Variants in RALGAPA2 observed in about 807,000 individuals in gnomAD.
The protein encoded by RALGAPA2 is Ral GTPase activating protein catalytic subunit alpha 2.
RALGAPA2 carries 139 observed loss-of-function variants against 230.4 expected under a neutral mutation model. That is an observed-to-expected ratio of 0.60 (90% confidence interval 0.53 to 0.69). RALGAPA2 has a LOEUF of 0.69. Among genes scored for constraint, RALGAPA2 ranks in the 30% least tolerant of loss-of-function variants. RALGAPA2 has a pLI of 0.00. For missense variants in RALGAPA2, 2,163 were observed against 2,276.0 expected (o/e 0.95, Z 1.01); for synonymous variants, 847 against 837.8 (o/e 1.01, Z -0.19).
intron 37 of RALGAPA2, among the ~76,000 whole-genome samples, chr20:20,460,097 C>T (rs139816826): frequency 2.6e-3 from 398 of 152,310 alleles, no homozygotes; most frequent in Non-Finnish European, 4.8e-3. Flanking sequence ...CATGGCCACC[C>T]TGATTTACCA....
At chr20:20,604,721 C>T (rs1475056973) in intron 15 of RALGAPA2, among the ~76,000 whole-genome samples, 1 of 150,680 alleles carries the variant, frequency 6.6e-6, no homozygotes, top group Non-Finnish European at 1.5e-5. Context: ...CATCAGCTAT[C>T]GTTAGTTTTA....
At chr20:20,528,050 G>A (rs2063265984) in intron 27 of RALGAPA2, among the ~76,000 whole-genome samples, 1 of 152,060 alleles carries the variant, frequency 6.6e-6, no homozygotes, top group Non-Finnish European at 1.5e-5. Flanking sequence ...GGAGAGGAGA[G>A]CTAAGCTGTG....
At chr20:20,627,241 A>G (rs188263457) in intron 10 of RALGAPA2, among the ~76,000 whole-genome samples, 2 of 152,334 alleles carry the variant, frequency 1.3e-5, no homozygotes, top group Admixed American at 1.3e-4. Flanking sequence ...TTGTCCAGTG[A>G]CTGTCATAGG....
chr20:20,430,753 T>C (rs2060483928), intron 37 of RALGAPA2, among the ~76,000 whole-genome samples: 2 of 152,210 alleles, frequency 1.3e-5, no homozygotes, highest in South Asian at 4.1e-4. Context: ...TCTCACTGTT[T>C]TCATGAAACA....
chr20:20,601,642 A>G (rs530073551), intron 16 of RALGAPA2, 40 bp downstream of exon 16: 19 of 1,585,676 alleles, frequency 1.2e-5, no homozygotes, highest in Non-Finnish European at 1.6e-5. Flanking sequence ...TATTTTAGAT[A>G]ACAATTAGAT....
At chr20:20,505,062 ACTT>A (rs1188773743) in intron 34 of RALGAPA2, 16 of 985,228 alleles carry the variant, frequency 1.6e-5, no homozygotes, top group Admixed American at 6.1e-5. Context: ...CAAGTCATTG[ACTT>A]CTTCTTCAAT....
chr20:20,404,974 C>G (rs2059916377), intron 38 of RALGAPA2, among the ~76,000 whole-genome samples: 1 of 152,212 alleles, frequency 6.6e-6, no homozygotes, highest in African/African-American at 2.4e-5. Context: ...ACTGTCCCCG[C>G]AGTGGCTCTG....
intron 20 of RALGAPA2, among the ~76,000 whole-genome samples, chr20:20,580,534 CT>C (rs1193366065): frequency 6.6e-6 from 1 of 152,154 alleles, no homozygotes; most frequent in African/African-American, 2.4e-5. Flanking sequence ...ACTGCATACC[CT>C]GCCTTGCCTT....
At chr20:20,628,767 G>A (rs1448262406) in intron 10 of RALGAPA2, among the ~76,000 whole-genome samples, 3 of 152,048 alleles carry the variant, frequency 2.0e-5, no homozygotes, top group Non-Finnish European at 2.9e-5. Flanking sequence ...TGTCACTCAC[G>A]GCCACTAACC....
Position 20,392,953 on chromosome 20 carries a change from G to T in RALGAPA2, c.*336C>A. The T allele has an allele frequency of 1.4e-6, 1 of 737,860 alleles. No homozygotes were observed. Among genetic ancestry groups the T allele is most frequent in the Non-Finnish European group, 1.9e-6 (1 of 517,584 alleles). 45.7% of individuals were successfully genotyped at this position (737,860 alleles called of 1,614,324 possible). ...CAGCCACACCAGTGCCCACGTGTCA[G>T]TGGGTTCATCTCTGGTTTTTGGTGA... On this transcript the variant is annotated 3_prime_UTR_variant, in exon 40 of 40. Coordinates refer to ENST00000202677, the MANE Select transcript of RALGAPA2 (RefSeq NM_020343.4).
In RALGAPA2 at chr20:20,524,500, G is replaced by A; in HGVS notation, c.3806C>T (p.Ala1269Val). ...LLLCLLDWCMALPVSVLLHPV... is the reference protein window; with the variant it reads ...LLLCLLDWCMVLPVSVLLHPV... The stretch of plus-strand genomic sequence containing the variant: ...GTGGAGAAGGACACTCACGGGCAAT[G>A]CCATGCACCAGTCCAAGAGGCAGAG... The change falls in exon 30 of 40, where the codon GCA (alanine) becomes GTA (valine). Residue 1269 changes from alanine (A) to valine (V), a missense_variant. Ala to Val is a moderately conservative substitution (Grantham distance 64). Coordinates refer to ENST00000202677, the MANE Select transcript of RALGAPA2 (RefSeq NM_020343.4). 1.9e-6 allele frequency: 3 copies of A among 1,613,862 alleles called. No individual in the cohort carries two copies. Among genetic ancestry groups the A allele is most frequent in the South Asian group, 1.1e-5 (1 of 91,074 alleles).
rs1285079506 is a variant in RALGAPA2, at chr20:20,689,157, T to C, written c.107-8356A>G. ...CTCCTCAGCACTAAAATTTTTAAAC[T>C]TGTTGATATATTTTAAGTGAATTTA... is the stretch of plus-strand genomic sequence containing the variant. On this transcript the variant is annotated intron_variant, in intron 1 of 39. Coordinates refer to ENST00000202677, the MANE Select transcript of RALGAPA2 (RefSeq NM_020343.4). Among the ~76,000 whole-genome samples the C allele has an allele frequency of 3.3e-5, 5 of 152,226 alleles. 1 individual carries two copies. Among genetic ancestry groups the C allele is most frequent in the Admixed American group, 3.3e-4 (5 of 15,290 alleles).
At chr20:20,563,667 T>G (rs1295832381) in intron 23 of RALGAPA2, among the ~76,000 whole-genome samples, 1 of 152,176 alleles carries the variant, frequency 6.6e-6, no homozygotes, top group Non-Finnish European at 1.5e-5. Flanking sequence ...TATCCTATCA[T>G]GCCCACATGT....
intron 3 of RALGAPA2, among the ~76,000 whole-genome samples, chr20:20,667,386 T>C (rs989415965): frequency 5.3e-5 from 8 of 152,112 alleles, no homozygotes; most frequent in Admixed American, 4.6e-4. Flanking sequence ...CTGGTCAAAT[T>C]ATGAATCCCA....
At chr20:20,623,476 T>C (rs947855741) in intron 10 of RALGAPA2, among the ~76,000 whole-genome samples, 1 of 104,914 alleles carries the variant, frequency 9.5e-6, no homozygotes. Context: ...TTGCCAAAAA[T>C]AGAGCAAAAA....
chr20:20,550,555 T>C (rs1602748457), intron 23 of RALGAPA2, among the ~76,000 whole-genome samples: 1 of 152,148 alleles, frequency 6.6e-6, no homozygotes, highest in Admixed American at 6.5e-5. Context: ...CTTTCTACTG[T>C]GTGATTCAAT....
At chr20:20,533,504 G>C (rs907080699) in intron 26 of RALGAPA2, among the ~76,000 whole-genome samples, 3 of 152,020 alleles carry the variant, frequency 2.0e-5, no homozygotes, top group Admixed American at 6.5e-5. Flanking sequence ...AGCAAAATTT[G>C]ACAGTATATA....
rs987287874 is a variant in RALGAPA2 at position 20,531,866 on chromosome 20, A to C, written c.3474-71T>G. The C allele has an allele frequency of 3.5e-6, 4 of 1,138,980 alleles. No homozygotes were observed. The Admixed American group carries it at 6.2e-5, about 18-fold the overall frequency. 70.6% of individuals were successfully genotyped at this position (1,138,980 alleles called of 1,614,324 possible). ...TATACTTTCTCAGTATTTTCAAATA[A>C]CAAAACACTTTAAATCTATTTATAC... On this transcript the variant is annotated intron_variant, in intron 26 of 39. Transcript: ENST00000202677.
intron 23 of RALGAPA2, among the ~76,000 whole-genome samples, chr20:20,566,828 C>G (rs2064442742): frequency 6.6e-6 from 1 of 152,210 alleles, no homozygotes; most frequent in African/African-American, 2.4e-5. Flanking sequence ...CTTTATCACA[C>G]TCTATTACAC....
Sources: allele counts gnomAD v4.1 joint callset (sites outside exome capture counted in the v4.1 genomes callset), GRCh38; gene constraint gnomAD v4.1.1; transcripts MANE v1.5; gene names NCBI Gene and HGNC (gene_info 2026-07-23, HGNC 2026-07-21).